KDM6A: variants seen among roughly 807,000 people sequenced by gnomAD.
KDM6A encodes the protein lysine-specific demethylase 6A.
Under a neutral mutation model 117.6 loss-of-function variants are expected in KDM6A, and 11 were observed. The ratio of observed to expected loss-of-function variants is 0.09; its 90% confidence interval spans 0.06 to 0.15. The LOEUF (loss-of-function observed/expected upper bound fraction) is 0.15. Ranked by LOEUF, KDM6A falls within the 10% of genes least tolerant of loss-of-function variation. KDM6A has a pLI of 1.00. For missense variants in KDM6A, 799 were observed against 1,077.3 expected (o/e 0.74, Z 3.62); for synonymous variants, 384 against 396.1 (o/e 0.97, Z 0.36).
At chrX:45,011,064 G>C in intron 5 of KDM6A, 45 bp downstream of exon 5, 1 of 941,697 alleles carries the variant, frequency 1.1e-6, no homozygotes, top group Non-Finnish European at 1.5e-6. Context: ...TCAGTAAATG[G>C]CTTGTTTGCT....
chrX:45,040,618 G>A (rs1401040312), intron 8 of KDM6A, among the ~76,000 whole-genome samples: 5 of 88,837 alleles, frequency 5.6e-5, no homozygotes, highest in Middle Eastern at 7.1e-3. Context: ...CTGGCCAGGC[G>A]GGGGGCTGAT....
intron 4 of KDM6A, among the ~76,000 whole-genome samples, chrX:45,005,099 C>G (rs2041367929): frequency 9.0e-6 from 1 of 110,853 alleles, no homozygotes. Context: ...ATGGGAAATT[C>G]TGAATATCTT....
chrX:44,902,662 A>T (rs2034426501), intron 2 of KDM6A, among the ~76,000 whole-genome samples: 2 of 112,436 alleles, frequency 1.8e-5, no homozygotes, highest in Admixed American at 1.9e-4. Context: ...TGCTGGGATT[A>T]TAGGCGTGAG....
intron 4 of KDM6A, among the ~76,000 whole-genome samples, chrX:44,996,890 C>A (rs890803559): frequency 9.0e-6 from 1 of 111,503 alleles, no homozygotes; most frequent in African/African-American, 3.3e-5. Context: ...GACATACTTA[C>A]AAAAGATGTG....
chrX:45,090,172 T>C (rs1470869489), intron 26 of KDM6A, among the ~76,000 whole-genome samples: 2 of 109,834 alleles, frequency 1.8e-5, no homozygotes, highest in African/African-American at 6.5e-5. Flanking sequence ...ATAATAAATT[T>C]TAGAGTGCTT....
Position 45,010,944 on chromosome X carries a change from T to C in KDM6A, c.385-17T>C. On this transcript the variant is annotated splice_polypyrimidine_tract_variant and intron_variant, in intron 4 of 29. Transcript: ENST00000611820. The stretch of plus-strand genomic sequence containing the variant: ...TACAAGTATTTTTCCTAAAAATCTT[T>C]TTCCCTTCCTTTACAGAATGCTGCC... 8.5e-7 allele frequency: 1 copy of C among 1,170,619 alleles called. No homozygotes were observed. Among genetic ancestry groups the C allele is most frequent in the Non-Finnish European group, 1.2e-6 (1 of 859,592 alleles).
intron 2 of KDM6A, among the ~76,000 whole-genome samples, chrX:44,881,387 C>A (rs191909530): frequency 9.0e-6 from 1 of 111,463 alleles, no homozygotes; most frequent in Non-Finnish European, 1.9e-5. Context: ...GAGCCGAGAT[C>A]GTGCCACTGA....
intron 2 of KDM6A, among the ~76,000 whole-genome samples, chrX:44,933,789 G>C (rs1053058076): frequency 3.6e-5 from 4 of 110,516 alleles, no homozygotes; most frequent in Non-Finnish European, 7.6e-5. Context: ...TGTTTGCCAG[G>C]CTGGTCTTGA....
At chrX:44,958,181 AT>A (rs35278318) in intron 2 of KDM6A, among the ~76,000 whole-genome samples, 7,486 of 97,313 alleles carry the variant, frequency 0.077, 298 homozygotes, top group African/African-American at 0.14. Flanking sequence ...TCTTTAATGA[AT>A]TTTTTTTTTT....
chrX:44,882,179 T>A (rs1185838006), intron 2 of KDM6A, among the ~76,000 whole-genome samples: 1 of 112,081 alleles, frequency 8.9e-6, no homozygotes, highest in Non-Finnish European at 1.9e-5. Context: ...CATTAGATTT[T>A]TCTCTCTTTT....
In KDM6A at chrX:45,096,089, C is replaced by T. The variant is rs748039774; in HGVS notation, c.4034+5225C>T. Among the ~76,000 whole-genome samples, 3 of 110,702 alleles carry T rather than the reference C, an allele frequency of 2.7e-5. No homozygotes were observed. The East Asian group carries it at 8.4e-4, about 31-fold the overall frequency. Reference sequence around the variant, plus strand: ...ATTAATTCTGTATATGTTGAGCATACGAATTATAGGCTATATTAAAAGAAA... The same window carrying T: ...ATTAATTCTGTATATGTTGAGCATATGAATTATAGGCTATATTAAAAGAAA... On this transcript the variant is annotated intron_variant, in intron 27 of 29. Transcript: ENST00000611820.
chrX:44,968,753 C>T (rs2147224622), intron 3 of KDM6A, among the ~76,000 whole-genome samples: 1 of 111,266 alleles, frequency 9.0e-6, no homozygotes, highest in African/African-American at 3.3e-5. Flanking sequence ...GGCGGATCAC[C>T]TGAGGTCAGG....
chrX:44,922,406 G>A (rs12008150), intron 2 of KDM6A, among the ~76,000 whole-genome samples: 5,180 of 110,068 alleles, frequency 0.047, 317 homozygotes, highest in African/African-American at 0.16. Context: ...GTGCTTATTC[G>A]CCATCTGTAT....
intron 2 of KDM6A, among the ~76,000 whole-genome samples, chrX:44,879,350 TAAG>T (rs1385740111): frequency 8.9e-6 from 1 of 112,309 alleles, no homozygotes; most frequent in Non-Finnish European, 1.9e-5. Flanking sequence ...TAATTTATGT[TAAG>T]AAAACACTAC....
intron 27 of KDM6A, among the ~76,000 whole-genome samples, chrX:45,106,249 C>G (rs753076472): frequency 2.8e-4 from 31 of 111,669 alleles, no homozygotes; most frequent in African/African-American, 9.8e-4. Flanking sequence ...ACAGGTTTTA[C>G]AAATGTTTTT....
chrX:44,986,059 A>G (rs1332718773), intron 4 of KDM6A, among the ~76,000 whole-genome samples: 4 of 111,352 alleles, frequency 3.6e-5, no homozygotes, highest in African/African-American at 1.3e-4. Context: ...TTGGTTGGTA[A>G]GCTATTAATT....
At chrX:44,987,748 T>C (rs1270519076) in intron 4 of KDM6A, among the ~76,000 whole-genome samples, 1 of 112,133 alleles carries the variant, frequency 8.9e-6, no homozygotes, top group African/African-American at 3.3e-5. Flanking sequence ...CACTCTCTTC[T>C]GGCTTGTATA....
intron 8 of KDM6A, among the ~76,000 whole-genome samples, chrX:45,050,480 T>C (rs1165776486): frequency 8.9e-6 from 1 of 112,416 alleles, no homozygotes; most frequent in Non-Finnish European, 1.9e-5. Flanking sequence ...AGATTGGATA[T>C]TAGCTCTTGT....
At chrX:45,107,574 C>T (rs2148290786) in intron 28 of KDM6A, 38 bp downstream of exon 28, 1 of 1,186,090 alleles carries the variant, frequency 8.4e-7, no homozygotes, top group Non-Finnish European at 1.1e-6. Flanking sequence ...TTTTATAAAG[C>T]CTCTTCCCTC....
Sources: allele counts gnomAD v4.1 joint callset (sites outside exome capture counted in the v4.1 genomes callset), GRCh38; gene constraint gnomAD v4.1.1; transcripts MANE v1.5; gene names NCBI Gene and HGNC (gene_info 2026-07-23, HGNC 2026-07-21).